Variants in GLCCI1 observed in about 807,000 individuals in gnomAD.
GLCCI1 encodes glucocorticoid induced 1.
A neutral mutation model predicts 52.2 loss-of-function variants in GLCCI1; 24 were observed. That is an observed-to-expected ratio of 0.46 (90% CI 0.33 to 0.65). GLCCI1 has a LOEUF of 0.65. Ranked by LOEUF, GLCCI1 falls within the 30% of genes least tolerant of loss-of-function variation. The probability of loss-of-function intolerance (pLI) is 0.02; values close to 1 mark genes in which losing one functional copy is unlikely to be tolerated. For synonymous variants in GLCCI1, 310 were observed against 276.5 expected (o/e 1.12, Z -1.20); for missense variants, 704 against 701.5 (o/e 1.00, Z -0.04).
chr7:8,085,909 T>C (rs1452810169), intron 7 of GLCCI1, among the ~76,000 whole-genome samples: 1 of 152,210 alleles, frequency 6.6e-6, no homozygotes. Context: ...TGTAGAAGAC[T>C]TTTCCACCTT....
chr7:8,040,215 A>C (rs1260172543), intron 3 of GLCCI1, among the ~76,000 whole-genome samples: 4 of 152,016 alleles, frequency 2.6e-5, no homozygotes, highest in Non-Finnish European at 4.4e-5. Context: ...GGGAGGTGTG[A>C]TGGCCCACAA....
chr7:7,975,346 A>G (rs1291620347), intron 1 of GLCCI1, among the ~76,000 whole-genome samples: 1 of 152,228 alleles, frequency 6.6e-6, no homozygotes, highest in East Asian at 1.9e-4. Flanking sequence ...TACCAAGTTC[A>G]TGAATACCTC....
chr7:8,072,796 G>C (rs989393098), intron 6 of GLCCI1, among the ~76,000 whole-genome samples: 2 of 152,174 alleles, frequency 1.3e-5, no homozygotes, highest in Non-Finnish European at 2.9e-5. Context: ...AATGGTGGCA[G>C]TACAGCTAGA....
At chr7:7,975,448 A>G (rs1031143716) in intron 1 of GLCCI1, among the ~76,000 whole-genome samples, 4 of 152,210 alleles carry the variant, frequency 2.6e-5, no homozygotes, top group Non-Finnish European at 5.9e-5. Context: ...CAAGCAATGT[A>G]TACTTTGATT....
intron 1 of GLCCI1, among the ~76,000 whole-genome samples, chr7:7,992,232 A>G (rs1460980242): frequency 1.3e-5 from 2 of 152,010 alleles, no homozygotes; most frequent in Admixed American, 6.6e-5. Flanking sequence ...TTGAGAGGGA[A>G]ACAATGTAAT....
chr7:8,014,825 C>G (rs1485234185), intron 2 of GLCCI1, among the ~76,000 whole-genome samples: 1 of 152,292 alleles, frequency 6.6e-6, no homozygotes, highest in East Asian at 1.9e-4. Flanking sequence ...ATGGTTAGAT[C>G]TTAAATAAAA....
At chr7:7,972,445 T>C (rs1780372761) in intron 1 of GLCCI1, among the ~76,000 whole-genome samples, 1 of 152,206 alleles carries the variant, frequency 6.6e-6, no homozygotes, top group Admixed American at 6.5e-5. Context: ...ATATTGTTTA[T>C]GAAAAGCTGC....
intron 2 of GLCCI1, among the ~76,000 whole-genome samples, chr7:8,006,357 A>T (rs1159760349): frequency 6.6e-6 from 1 of 152,184 alleles, no homozygotes; most frequent in Non-Finnish European, 1.5e-5. Context: ...AGGAGACCCT[A>T]CTATTTGAGA....
intron 1 of GLCCI1, among the ~76,000 whole-genome samples, chr7:7,998,837 AG>A (rs1215269852): frequency 6.6e-6 from 1 of 152,150 alleles, no homozygotes; most frequent in Non-Finnish European, 1.5e-5. Context: ...TATTTTCTAG[AG>A]TGTATAGTCA....
Position 8,064,950 on chromosome 7 carries a change from G to A in GLCCI1, c.966+4702G>A, listed in dbSNP as rs112173715. On this transcript the variant is annotated intron_variant, in intron 5 of 7. Coordinates refer to ENST00000223145, the MANE Select transcript of GLCCI1 (RefSeq NM_138426.4). ...CCAGGATGGTCTCGATCTCCTGACC[G>A]CGTGATCTGCCCACCTCGGCCCCCC... 7.1e-3 allele frequency among the ~76,000 whole-genome samples: 1,082 copies of A among 152,050 alleles called. 9 individuals are homozygous for A. The highest frequency in any genetic ancestry group is 0.024 in the African/African-American group (1,009 of 41,492).
intron 7 of GLCCI1, among the ~76,000 whole-genome samples, chr7:8,085,972 C>T (rs181268138): frequency 6.6e-6 from 1 of 152,264 alleles, no homozygotes; most frequent in East Asian, 1.9e-4. Flanking sequence ...CTTCCTGGTT[C>T]TTTTGAAAAT....
rs1427620263 is a variant in GLCCI1 at position 8,087,209 on chromosome 7, G to A, written c.*671G>A. ...ACATTCCACATTCTTAGAATAAGAA[G>A]TGCATTCAATCCTAGGAGAATGATA... On this transcript the variant is annotated 3_prime_UTR_variant, in exon 8 of 8. Coordinates refer to ENST00000223145, the MANE Select transcript of GLCCI1 (RefSeq NM_138426.4). 2 of 152,568 alleles carry A rather than the reference G, an allele frequency of 1.3e-5. No homozygotes were observed. Among genetic ancestry groups the A allele is most frequent in the Non-Finnish European group, 2.9e-5 (2 of 68,016 alleles). The allele number at this position is 152,568 out of a possible 1,614,324, so 9.5% of individuals were successfully genotyped here.
intron 2 of GLCCI1, among the ~76,000 whole-genome samples, chr7:8,016,534 G>T (rs189977131): frequency 6.6e-6 from 1 of 152,130 alleles, no homozygotes; most frequent in Non-Finnish European, 1.5e-5. Context: ...CATAGTTTAC[G>T]GTATGGTATG....
intron 3 of GLCCI1, among the ~76,000 whole-genome samples, chr7:8,024,290 T>C (rs1583980624): frequency 6.6e-6 from 1 of 152,308 alleles, no homozygotes; most frequent in African/African-American, 2.4e-5. Context: ...ATAGTATGGA[T>C]GTAGAGACCT....
At chr7:8,007,272 C>T (rs1286415292) in intron 2 of GLCCI1, among the ~76,000 whole-genome samples, 1 of 152,166 alleles carries the variant, frequency 6.6e-6, no homozygotes, top group African/African-American at 2.4e-5. Context: ...GTAATTTGTA[C>T]ATCATTACAT....
rs1212086397 is a variant in GLCCI1, at chr7:8,053,188, T to G, written c.697-2245T>G. On this transcript the variant is annotated intron_variant, in intron 3 of 7. Transcript: ENST00000223145. Reference sequence around the variant, plus strand: ...TTTTTTCTTCATTTAATTGCATAAATGCTTTAATCTTCTCTTGGTGACTAT... The same window carrying G: ...TTTTTTCTTCATTTAATTGCATAAAGGCTTTAATCTTCTCTTGGTGACTAT... Among the ~76,000 whole-genome samples the G allele has an allele frequency of 2.0e-5, 3 of 152,006 alleles. No individual in the cohort carries two copies. In the East Asian group the frequency reaches 5.8e-4, roughly 29 times the overall value.
chr7:7,976,045 C>G (rs1423409826), intron 1 of GLCCI1, among the ~76,000 whole-genome samples: 1 of 152,192 alleles, frequency 6.6e-6, no homozygotes, highest in Non-Finnish European at 1.5e-5. Flanking sequence ...GCAACTGGCA[C>G]TAGGTTGATT....
intron 6 of GLCCI1, among the ~76,000 whole-genome samples, chr7:8,073,773 A>G (rs1431128944): frequency 6.6e-6 from 1 of 152,122 alleles, no homozygotes; most frequent in African/African-American, 2.4e-5. Context: ...TATTTAAGAC[A>G]TTTCTCTGTT....
At chr7:8,042,227 C>G (rs1309637461) in intron 3 of GLCCI1, among the ~76,000 whole-genome samples, 1 of 152,194 alleles carries the variant, frequency 6.6e-6, no homozygotes, top group Admixed American at 6.5e-5. Context: ...GGAGTAATTT[C>G]AATCTTCAAT....
Sources: gnomAD v4.1 joint callset for allele counts (sites outside exome capture counted in the v4.1 genomes callset) on GRCh38, gnomAD v4.1.1 for gene constraint, MANE v1.5 for transcripts, NCBI Gene and HGNC (gene_info 2026-07-23, HGNC 2026-07-21) for gene names.